The following IGSF21 variants were observed in gnomAD, a reference collection of about 807,000 sequenced individuals.
IGSF21 encodes immunoglobulin superfamily member 21.
IGSF21 carries 28 observed loss-of-function variants against 46.8 expected under a neutral mutation model. The observed-to-expected ratio is 0.60, with a 90% CI of 0.44 to 0.82. The LOEUF (loss-of-function observed/expected upper bound fraction) is 0.82. IGSF21 is among the 40% of genes least tolerant of loss of function. The probability of loss-of-function intolerance (pLI) is 0.00; values close to 1 mark genes in which losing one functional copy is unlikely to be tolerated. For synonymous variants in IGSF21, 284 were observed against 273.6 expected, an observed-to-expected ratio of 1.04 and a Z score of -0.38; for missense variants, 624 against 665.5, an observed-to-expected ratio of 0.94 and a Z score of 0.69.
At chr1:18,211,056 G>A (rs1028829987) in intron 1 of IGSF21, among the ~76,000 whole-genome samples, 3 of 152,132 alleles carry the variant, frequency 2.0e-5, no homozygotes, top group Admixed American at 6.5e-5. Context: ...GTTTTTAGTA[G>A]AGATGGGGTT....
intron 3 of IGSF21, among the ~76,000 whole-genome samples, chr1:18,296,287 C>A (rs1022037427): frequency 6.6e-5 from 10 of 152,294 alleles, no homozygotes; most frequent in African/African-American, 2.4e-4. Context: ...TTGGCTGGGT[C>A]CCCGGTAGCA....
At chr1:18,191,662 C>T (rs896055856) in intron 1 of IGSF21, among the ~76,000 whole-genome samples, 1 of 152,094 alleles carries the variant, frequency 6.6e-6, no homozygotes, top group African/African-American at 2.4e-5. Flanking sequence ...CCGGGCCCAT[C>T]TGGCTCTGTT....
intron 3 of IGSF21, among the ~76,000 whole-genome samples, chr1:18,296,205 C>A (rs1569751547): frequency 6.6e-6 from 1 of 152,210 alleles, no homozygotes; most frequent in African/African-American, 2.4e-5. Flanking sequence ...TCCTGGGACC[C>A]CTTCTCACAT....
chr1:18,142,277 A>G (rs2086421735), intron 1 of IGSF21, among the ~76,000 whole-genome samples: 1 of 152,130 alleles, frequency 6.6e-6, no homozygotes, highest in African/African-American at 2.4e-5. Flanking sequence ...TCCTCACAAC[A>G]GCCTATGTAG....
intron 2 of IGSF21, among the ~76,000 whole-genome samples, chr1:18,245,471 T>A (rs972716929): frequency 1.3e-5 from 2 of 152,192 alleles, no homozygotes; most frequent in East Asian, 1.9e-4. Context: ...ATCTTTTTCA[T>A]TGGATTTTCT....
chr1:18,205,999 C>T (rs1479003494), intron 1 of IGSF21, among the ~76,000 whole-genome samples: 1 of 152,236 alleles, frequency 6.6e-6, no homozygotes, highest in Non-Finnish European at 1.5e-5. Flanking sequence ...CTGCTGGACA[C>T]ACTACAGTGA....
chr1:18,142,828 A>G (rs540981357), intron 1 of IGSF21, among the ~76,000 whole-genome samples: 1 of 152,110 alleles, frequency 6.6e-6, no homozygotes, highest in Non-Finnish European at 1.5e-5. Flanking sequence ...AGTGGGACAA[A>G]TGCCCATCCA....
chr1:18,181,181 G>T (rs1013155409), intron 1 of IGSF21, among the ~76,000 whole-genome samples: 3 of 152,182 alleles, frequency 2.0e-5, no homozygotes, highest in Non-Finnish European at 1.5e-5. Flanking sequence ...TGGATCCTCG[G>T]TCGTGCGGCG....
intron 2 of IGSF21, among the ~76,000 whole-genome samples, chr1:18,268,214 T>C (rs894053908): frequency 2.6e-5 from 4 of 152,184 alleles, no homozygotes; most frequent in African/African-American, 9.7e-5. Flanking sequence ...ATTTTACAGA[T>C]GGGAAAACAG....
At chr1:18,197,008 G>A (rs1441017302) in intron 1 of IGSF21, among the ~76,000 whole-genome samples, 3 of 152,122 alleles carry the variant, frequency 2.0e-5, no homozygotes, top group Non-Finnish European at 2.9e-5. Flanking sequence ...TAATCGGCCC[G>A]GCTGCTGATG....
intron 5 of IGSF21, among the ~76,000 whole-genome samples, chr1:18,363,108 C>A (rs548383828): frequency 2.6e-5 from 4 of 152,212 alleles, no homozygotes; most frequent in Non-Finnish European, 5.9e-5. Flanking sequence ...ACCTGAAGCA[C>A]CTCTGTAGAA....
chr1:18,255,017 G>C (rs992613511), intron 2 of IGSF21, among the ~76,000 whole-genome samples: 1 of 152,198 alleles, frequency 6.6e-6, no homozygotes, highest in Non-Finnish European at 1.5e-5. Context: ...CTGCCTTCAG[G>C]CTTTGTCAAG....
At chr1:18,254,426 G>GACCTCTATCTGAATACAGC (rs1569641734) in intron 2 of IGSF21, among the ~76,000 whole-genome samples, 7 of 151,990 alleles carry the variant, frequency 4.6e-5, no homozygotes, top group African/African-American at 1.7e-4. Context: ...ACTGGATCTA[G>GACCTCTATCTGAATACAGC]GTATCTTTAA....
intron 1 of IGSF21, among the ~76,000 whole-genome samples, chr1:18,216,493 G>A (rs564769858): frequency 3.2e-4 from 48 of 152,302 alleles, no homozygotes; most frequent in African/African-American, 1.2e-3. Flanking sequence ...GGGTACCTTA[G>A]AGGGACAAGT....
intron 4 of IGSF21, among the ~76,000 whole-genome samples, chr1:18,351,218 A>G (rs927408672): frequency 2.0e-5 from 3 of 151,822 alleles, no homozygotes; most frequent in Non-Finnish European, 4.4e-5. Flanking sequence ...AGCCGTAACA[A>G]CTAGAATTGC....
chr1:18,203,067 C>G (rs890284009), intron 1 of IGSF21, among the ~76,000 whole-genome samples: 1 of 152,178 alleles, frequency 6.6e-6, no homozygotes, highest in Non-Finnish European at 1.5e-5. Context: ...TTGCAAGCCC[C>G]TGAGCCTCTG....
chr1:18,280,946 C>A (rs1328019344), intron 2 of IGSF21, among the ~76,000 whole-genome samples: 2 of 152,160 alleles, frequency 1.3e-5, no homozygotes, highest in Non-Finnish European at 2.9e-5. Flanking sequence ...GCTCCCCGGC[C>A]TGCACGCCAG....
intron 1 of IGSF21, among the ~76,000 whole-genome samples, chr1:18,195,273 A>G (rs2124478799): frequency 1.3e-5 from 2 of 152,312 alleles, no homozygotes; most frequent in Middle Eastern, 3.4e-3. Flanking sequence ...CACTCACTCT[A>G]CACAGCCAAG....
chr1:18,314,909 C>T (rs1452251263), intron 3 of IGSF21, among the ~76,000 whole-genome samples: 1 of 152,102 alleles, frequency 6.6e-6, no homozygotes, highest in Non-Finnish European at 1.5e-5. Flanking sequence ...CTGGGGGTCC[C>T]AGGAGGCCAC....
Sources: allele counts gnomAD v4.1 joint callset (sites outside exome capture counted in the v4.1 genomes callset), GRCh38; gene constraint gnomAD v4.1.1; transcripts MANE v1.5; gene names NCBI Gene and HGNC (gene_info 2026-07-23, HGNC 2026-07-21).